PHACTR3: variants seen among roughly 807,000 people sequenced by gnomAD.
PHACTR3 encodes protein phosphatase 1, regulatory subunit 123.
In PHACTR3, 16 loss-of-function variants were observed where a neutral mutation model predicts 66.8. The observed-to-expected ratio is 0.24, with a 90% CI of 0.16 to 0.36. The LOEUF is 0.36. PHACTR3 is among the 10% of genes least tolerant of loss of function. The pLI, the probability that PHACTR3 is intolerant of heterozygous loss-of-function variation, is 1.00. For missense variants in PHACTR3, 647 were observed against 719.9 expected, an observed-to-expected ratio of 0.90 and a Z score of 1.16; for synonymous variants, 323 against 292.1, an observed-to-expected ratio of 1.11 and a Z score of -1.08.
intron 1 of PHACTR3, among the ~76,000 whole-genome samples, chr20:59,666,522 G>T (rs925906577): frequency 6.7e-6 from 1 of 149,952 alleles, no homozygotes; most frequent in African/African-American, 2.5e-5. Context: ...CAGAGGAAGA[G>T]AGAGACAGAG....
intron 1 of PHACTR3, among the ~76,000 whole-genome samples, chr20:59,578,344 A>C (rs761769756): frequency 5.3e-5 from 8 of 152,294 alleles, no homozygotes; most frequent in Non-Finnish European, 8.8e-5. Context: ...CAGCAGGCAG[A>C]GCCCGGAGTG....
At chr20:59,741,828 T>G (rs1399264555) in intron 1 of PHACTR3, among the ~76,000 whole-genome samples, 2 of 151,792 alleles carry the variant, frequency 1.3e-5, no homozygotes, top group African/African-American at 4.8e-5. Context: ...AATGGTGTGA[T>G]CTTGGCTCAC....
chr20:59,691,064 G>A (rs2037090835), intron 1 of PHACTR3, among the ~76,000 whole-genome samples: 1 of 152,192 alleles, frequency 6.6e-6, no homozygotes, highest in Admixed American at 6.5e-5. Flanking sequence ...ATACTATCAA[G>A]AAAGAGGCCT....
chr20:59,623,269 C>G (rs894397842), intron 1 of PHACTR3, among the ~76,000 whole-genome samples: 1 of 151,930 alleles, frequency 6.6e-6, no homozygotes, highest in African/African-American at 2.4e-5. Flanking sequence ...TGGTCCAGCC[C>G]GTGTTATGAC....
intron 7 of PHACTR3, among the ~76,000 whole-genome samples, chr20:59,787,317 C>T (rs1036905632): frequency 2.0e-5 from 3 of 152,166 alleles, no homozygotes; most frequent in South Asian, 2.1e-4. Flanking sequence ...CACTGGCTTC[C>T]GGGGCTGGGC....
chr20:59,781,424 G>C (rs1019489350), intron 7 of PHACTR3, among the ~76,000 whole-genome samples: 1 of 152,186 alleles, frequency 6.6e-6, no homozygotes, highest in Admixed American at 6.5e-5. Flanking sequence ...GGATGACCCT[G>C]GGCAGGTGGT....
intron 4 of PHACTR3, among the ~76,000 whole-genome samples, chr20:59,765,779 C>A (rs1403927767): frequency 6.6e-6 from 1 of 152,160 alleles, no homozygotes; most frequent in Admixed American, 6.5e-5. Flanking sequence ...TCTTGGGTAC[C>A]TCCAGAAACA....
chr20:59,686,827 GTGGTGATGATGA>G (rs1187094571), intron 1 of PHACTR3, among the ~76,000 whole-genome samples: 4 of 139,878 alleles, frequency 2.9e-5, no homozygotes, highest in Non-Finnish European at 4.8e-5. Flanking sequence ...GGTGATGGTG[GTGGTGATGATGA>G]TGGTGATGAT....
intron 4 of PHACTR3, among the ~76,000 whole-genome samples, chr20:59,757,454 G>T (rs2039840342): frequency 6.6e-6 from 1 of 152,254 alleles, no homozygotes; most frequent in Admixed American, 6.5e-5. Context: ...AGAGCGAGGT[G>T]CAGAGCATCC....
At chr20:59,590,803 A>C (rs370275256) in intron 1 of PHACTR3, among the ~76,000 whole-genome samples, 136 of 152,172 alleles carry the variant, frequency 8.9e-4, no homozygotes, top group African/African-American at 2.7e-3. Context: ...TTCCTCAGAG[A>C]TGGTTCCTTG....
chr20:59,621,485 C>T (rs1049326912), intron 1 of PHACTR3, among the ~76,000 whole-genome samples: 2 of 152,242 alleles, frequency 1.3e-5, no homozygotes, highest in African/African-American at 4.8e-5. Context: ...ATGTAACATG[C>T]CCCGTTTCTC....
chr20:59,629,429 C>T (rs1235796762), intron 1 of PHACTR3, among the ~76,000 whole-genome samples: 5 of 152,218 alleles, frequency 3.3e-5, no homozygotes, highest in Admixed American at 3.3e-4. Flanking sequence ...GTGCTGCAGA[C>T]TGGGGGATTC....
chr20:59,645,781 C>T (rs960934071), intron 1 of PHACTR3, among the ~76,000 whole-genome samples: 34 of 152,222 alleles, frequency 2.2e-4, no homozygotes, highest in East Asian at 7.7e-4. Context: ...TGTTTCATGT[C>T]GTGACGCTGG....
chr20:59,680,517 A>G (rs1257226918), intron 1 of PHACTR3, among the ~76,000 whole-genome samples: 1 of 152,168 alleles, frequency 6.6e-6, no homozygotes, highest in Non-Finnish European at 1.5e-5. Context: ...ATTTTCATTT[A>G]GCACCCTCCT....
chr20:59,621,989 C>T (rs1429539996), intron 1 of PHACTR3, among the ~76,000 whole-genome samples: 1 of 152,210 alleles, frequency 6.6e-6, no homozygotes, highest in African/African-American at 2.4e-5. Flanking sequence ...ATAACCTTCA[C>T]TACAGCTTTT....
In PHACTR3 at chr20:59,774,281, G is replaced by C; in HGVS notation, c.965G>C (p.Arg322Pro). ...GAAAGTAAAGGGTCTCCAAAGAAGC[G>C]GCTGGATGTCCGTCTGTCGAGAACG... ...GRESKGSPKKRLDVRLSRTSS... is the reference protein window; with the variant it reads ...GRESKGSPKKPLDVRLSRTSS... Residue 322 changes from arginine (R) to proline (P), a missense_variant, in exon 7 of 13, where the codon CGG becomes CCG. Transcript: ENST00000371015. 6.2e-7 allele frequency: 1 copy of C among 1,608,390 alleles called. No individual in the cohort carries two copies. Among genetic ancestry groups the C allele is most frequent in the Non-Finnish European group, 8.5e-7 (1 of 1,177,778 alleles).
intron 8 of PHACTR3, among the ~76,000 whole-genome samples, chr20:59,813,290 G>A (rs974663691): frequency 2.0e-5 from 3 of 152,212 alleles, no homozygotes; most frequent in Non-Finnish European, 4.4e-5. Context: ...AAGCGCTGAC[G>A]GTTTCTCTTG....
intron 8 of PHACTR3, among the ~76,000 whole-genome samples, chr20:59,806,958 T>C (rs2147000932): frequency 6.6e-6 from 1 of 152,264 alleles, no homozygotes; most frequent in African/African-American, 2.4e-5. Flanking sequence ...AAATACAAAA[T>C]GTCACCTCTG....
chr20:59,582,237 C>T (rs1335540422), intron 1 of PHACTR3, among the ~76,000 whole-genome samples: 2 of 152,212 alleles, frequency 1.3e-5, no homozygotes, highest in African/African-American at 4.8e-5. Context: ...CAGCACTTCT[C>T]GCTGTGAAGC....
Sources: gnomAD v4.1 joint callset for allele counts (sites outside exome capture counted in the v4.1 genomes callset) on GRCh38, gnomAD v4.1.1 for gene constraint, MANE v1.5 for transcripts, NCBI Gene and HGNC (gene_info 2026-07-23, HGNC 2026-07-21) for gene names.